GLI3: variants seen among roughly 807,000 people sequenced by gnomAD.
The protein encoded by GLI3 is GLI family zinc finger 3.
In GLI3, 20 loss-of-function variants were observed where a neutral mutation model predicts 100.8. That is an observed-to-expected ratio of 0.20 (90% CI 0.14 to 0.29). GLI3 has a LOEUF of 0.29. GLI3 is among the 10% of genes least tolerant of loss of function. The pLI is 1.00. For synonymous variants in GLI3, 938 were observed against 860.5 expected (o/e 1.09, Z -1.58); for missense variants, 2,040 against 2,128.5 (o/e 0.96, Z 0.82).
At chr7:42,141,802 T>G (rs984177342) in intron 3 of GLI3, among the ~76,000 whole-genome samples, 31 of 152,030 alleles carry the variant, frequency 2.0e-4, no homozygotes, top group African/African-American at 5.8e-4. Context: ...ATAACTAAAT[T>G]GTAGAAGGGA....
intron 3 of GLI3, among the ~76,000 whole-genome samples, chr7:42,137,597 A>G (rs1786460497): frequency 6.6e-6 from 1 of 152,148 alleles, no homozygotes; most frequent in Non-Finnish European, 1.5e-5. Flanking sequence ...CCTAAGGCAC[A>G]ACATTCCTAC....
rs1317254398 is a variant in GLI3 at position 41,972,260 on chromosome 7, TC to T, written c.2103+76del. On this transcript the variant is annotated intron_variant, in intron 13 of 14. Coordinates refer to ENST00000395925, the MANE Select transcript of GLI3 (RefSeq NM_000168.6). This position sits in a 1 kb window ranked among gnomAD's most constrained non-coding sequence, Gnocchi z 4.4. ...GCCTGACACAGTGAGGACCGGGAAG[TC>T]CTGTCCCTCTATGCACCCTACCTGG... is the stretch of plus-strand genomic sequence containing the variant. 1 of 1,350,156 alleles carries T rather than the reference TC, an allele frequency of 7.4e-7. No individual in the cohort carries two copies. Among genetic ancestry groups the T allele is most frequent in the African/African-American group, 1.4e-5 (1 of 69,834 alleles). 83.6% of individuals were successfully genotyped at this position (1,350,156 alleles called of 1,614,324 possible). A position where few individuals can be genotyped will look rare whatever the true frequency, so the allele number is the denominator to read the frequency against.
At chr7:42,095,515 G>A (rs1376062715) in intron 3 of GLI3, among the ~76,000 whole-genome samples, 2 of 152,194 alleles carry the variant, frequency 1.3e-5, no homozygotes, top group Non-Finnish European at 2.9e-5. Flanking sequence ...AGGCAGGGCA[G>A]TGGAAGGGAA....
chr7:42,172,386 A>G, intron 2 of GLI3: 2 of 610,334 alleles, frequency 3.3e-6, no homozygotes, highest in Non-Finnish European at 5.9e-6. Context: ...CCTCTGTGGT[A>G]GAGGAGAATT....
intron 10 of GLI3, among the ~76,000 whole-genome samples, chr7:41,984,597 C>T (rs1787762813): frequency 6.6e-6 from 1 of 152,196 alleles, no homozygotes; most frequent in Non-Finnish European, 1.5e-5. Context: ...AAAAGTCTGT[C>T]CACTCTTTAC....
At position 42,026,235 on chromosome 7, in the gene GLI3, G is replaced by A. The variant is rs774831772; in HGVS notation, c.1206C>T (p.Pro402=). Residue 402 remains proline, a synonymous_variant, in exon 8 of 15, where the codon CCC becomes CCT. Transcript: ENST00000395925. ...PIPGIPTVLN[P]VQVSSGPSES... is the part of the protein sequence containing the mutation. ...CAGAAGGGCCGGAGCTGACCTGGACGGGGTTCAGAACCGTAGGGATCCCTG... is the reference window on the plus strand; with the variant it reads ...CAGAAGGGCCGGAGCTGACCTGGACAGGGTTCAGAACCGTAGGGATCCCTG... 27 of 1,613,786 alleles carry A rather than the reference G, an allele frequency of 1.7e-5. No individual in the cohort carries two copies. The highest frequency in any genetic ancestry group is 1.1e-4 in the East Asian group (5 of 44,862).
At chr7:41,999,897 G>C (rs139173341) in intron 10 of GLI3, among the ~76,000 whole-genome samples, 158 of 152,324 alleles carry the variant, frequency 1.0e-3, no homozygotes, top group Admixed American at 2.2e-3. Flanking sequence ...CTCATGGATA[G>C]GGCCTCAGAC....
At chr7:42,225,714 G>C (rs897000440) in intron 1 of GLI3, among the ~76,000 whole-genome samples, 1 of 152,200 alleles carries the variant, frequency 6.6e-6, no homozygotes, top group African/African-American at 2.4e-5. Context: ...TATACTCATT[G>C]AAGTCTTTGC....
chr7:41,970,393 G>C (rs1410318750), intron 13 of GLI3, among the ~76,000 whole-genome samples: 1 of 152,090 alleles, frequency 6.6e-6, no homozygotes, highest in African/African-American at 2.4e-5. Context: ...TATCTGCTGT[G>C]GAAATGTGAT....
chr7:42,026,504 C>T (rs1403059536), intron 7 of GLI3, 92 bp from the exon 8 acceptor site: 5 of 976,792 alleles, frequency 5.1e-6, no homozygotes, highest in Middle Eastern at 2.8e-4. Context: ...TATAATTTTA[C>T]CATCCCAAAT....
chr7:41,997,513 C>G (rs1339222644), intron 10 of GLI3, among the ~76,000 whole-genome samples: 1 of 152,084 alleles, frequency 6.6e-6, no homozygotes, highest in African/African-American at 2.4e-5. Flanking sequence ...TCTTTGCGGT[C>G]ATATGATTAG....
chr7:42,010,978 A>G (rs932988450), intron 10 of GLI3, among the ~76,000 whole-genome samples: 1 of 152,236 alleles, frequency 6.6e-6, no homozygotes, highest in Non-Finnish European at 1.5e-5. Context: ...TTCCTACAGA[A>G]CAGAACAGAA....
At chr7:42,192,113 A>G (rs1413968977) in intron 2 of GLI3, among the ~76,000 whole-genome samples, 1 of 152,198 alleles carries the variant, frequency 6.6e-6, no homozygotes, top group African/African-American at 2.4e-5. Flanking sequence ...AAAAATGTCA[A>G]TCCCCTTGAA....
chr7:41,994,294 T>C (rs1223256367), intron 10 of GLI3, among the ~76,000 whole-genome samples: 2 of 152,224 alleles, frequency 1.3e-5, no homozygotes, highest in Admixed American at 1.3e-4. Context: ...AATGCAATGC[T>C]GTCAACGAAT....
In GLI3 at chr7:41,972,691, A is replaced by G; in HGVS notation, c.1813-64T>C. On this transcript the variant is annotated intron_variant, in intron 12 of 14. Transcript: ENST00000395925. This position sits in a 1 kb window ranked among gnomAD's most constrained non-coding sequence, Gnocchi z 4.4. ...GAAAGAGACTATGCCCCAGCCCAAA[A>G]GTCCTTTATGGTTGCTCATTACATT... 7.2e-7 allele frequency: 1 copy of G among 1,379,796 alleles called. No homozygotes were observed. The highest frequency in any genetic ancestry group is 1.0e-6 in the Non-Finnish European group (1 of 984,986). 85.5% of individuals were successfully genotyped at this position (1,379,796 alleles called of 1,614,324 possible).
intron 1 of GLI3, among the ~76,000 whole-genome samples, chr7:42,263,286 C>G (rs1789163866): frequency 6.6e-6 from 1 of 152,088 alleles, no homozygotes. Flanking sequence ...CAAGAAAGTG[C>G]CTCCCCCTTG....
At position 42,167,165 on chromosome 7, in the gene GLI3, G is replaced by T. The variant is rs79361683; in HGVS notation, c.125-18697C>A. 8.7e-3 allele frequency among the ~76,000 whole-genome samples: 1,322 copies of T among 152,190 alleles called. 9 individuals carry two copies. The highest frequency in any genetic ancestry group is 0.013 in the Non-Finnish European group (874 of 68,018). On this transcript the variant is annotated intron_variant, in intron 2 of 14. Transcript: ENST00000395925. ...TTATGCCTCTGTTAGCGCTTGCCAG[G>T]TTATCACCTAAGAACATGATATTGC... is the stretch of plus-strand genomic sequence containing the variant.
At chr7:42,066,005 C>A (rs375292670) in intron 4 of GLI3, among the ~76,000 whole-genome samples, 1 of 152,124 alleles carries the variant, frequency 6.6e-6, no homozygotes, top group South Asian at 2.1e-4. Context: ...AGACCCACAG[C>A]GGATCGAAGC....
Position 42,222,222 on chromosome 7 carries a change from G to A in GLI3, c.124+908C>T, listed in dbSNP as rs141789844. Among the ~76,000 whole-genome samples the A allele has an allele frequency of 4.2e-3, 633 of 152,280 alleles. 8 individuals carry two copies. Among genetic ancestry groups the A allele is most frequent in the African/African-American group, 0.015 (608 of 41,568 alleles). The stretch of plus-strand genomic sequence containing the variant: ...AAATCAATCAAGTAAAACCTGTCTT[G>A]GAATATAGAAAATATAAGAATAGCA... On this transcript the variant is annotated intron_variant, in intron 2 of 14. Coordinates refer to ENST00000395925, the MANE Select transcript of GLI3 (RefSeq NM_000168.6).
Sources: gnomAD v4.1 joint callset for allele counts (sites outside exome capture counted in the v4.1 genomes callset) on GRCh38, gnomAD v4.1.1 for gene constraint, Gnocchi (gnomAD v3.1) non-coding constraint, MANE v1.5 for transcripts, NCBI Gene and HGNC (gene_info 2026-07-23, HGNC 2026-07-21) for gene names.